Variants in BTAF1 observed in about 807,000 individuals in gnomAD.
BTAF1 encodes the protein TATA-binding protein-associated factor 172.
Under a neutral mutation model 227.1 loss-of-function variants are expected in BTAF1, and 38 were observed. That is an observed-to-expected ratio of 0.17 (90% CI 0.13 to 0.22). The LOEUF is 0.22. Ranked by LOEUF, BTAF1 falls within the 10% of genes least tolerant of loss-of-function variation. The probability of loss-of-function intolerance (pLI) is 1.00; values close to 1 mark genes in which losing one functional copy is unlikely to be tolerated. For missense variants in BTAF1, 1,598 were observed against 2,204.0 expected, an observed-to-expected ratio of 0.73 and a Z score of 5.51; for synonymous variants, 742 against 751.9, an observed-to-expected ratio of 0.99 and a Z score of 0.21.
chr10:92,026,879 C>G (rs1343185932), intron 36 of BTAF1, 128 bp downstream of exon 36: 9 of 1,071,156 alleles, frequency 8.4e-6, no homozygotes, highest in Non-Finnish European at 1.2e-5. Context: ...TTGGACAGAT[C>G]ACTTAACTCT....
chr10:91,935,636 A>C (rs1441393907), intron 1 of BTAF1, 21 bp from the exon 2 acceptor site: 1 of 1,610,558 alleles, frequency 6.2e-7, no homozygotes, highest in South Asian at 1.1e-5. Flanking sequence ...GAGAATAACC[A>C]TTGTATTTTT....
chr10:92,002,285 T>C (rs1849601417), intron 25 of BTAF1, among the ~76,000 whole-genome samples: 1 of 152,152 alleles, frequency 6.6e-6, no homozygotes, highest in Admixed American at 6.5e-5. Flanking sequence ...ATAGAAAAAA[T>C]CATCTACTTT....
chr10:91,935,828 A>G (rs1388926980), intron 2 of BTAF1, 48 bp downstream of exon 2: 8 of 1,437,922 alleles, frequency 5.6e-6, no homozygotes, highest in Non-Finnish European at 7.5e-6. Flanking sequence ...GTAGAGACTT[A>G]TTCATGGATA....
At chr10:92,015,821 A>T (rs1475126527) in intron 32 of BTAF1, among the ~76,000 whole-genome samples, 1 of 152,140 alleles carries the variant, frequency 6.6e-6, no homozygotes, top group Admixed American at 6.6e-5. Context: ...AGCTTGTACA[A>T]GATAGGAACC....
At chr10:91,947,824 A>C (rs1392168652) in intron 4 of BTAF1, among the ~76,000 whole-genome samples, 1 of 148,164 alleles carries the variant, frequency 6.7e-6, no homozygotes, top group Non-Finnish European at 1.5e-5. Flanking sequence ...TTAGTGTTTT[A>C]ACAATATTTA....
chr10:91,927,406 CT>C (rs1843930926), intron 1 of BTAF1, among the ~76,000 whole-genome samples: 1 of 152,068 alleles, frequency 6.6e-6, no homozygotes, highest in African/African-American at 2.4e-5. Context: ...TTGATCTAAG[CT>C]TATATATTAC....
At position 91,997,669 on chromosome 10, in the gene BTAF1, G is replaced by A; in HGVS notation, c.3578G>A (p.Gly1193Glu). ...GTCCTTTTAGTTGTTCCTGTATTAG[G>A]AAGAATGAGTGATCAGACAGACAGT... ...YIVLLVVPVL[G>E]RMSDQTDSVR... Residue 1193 changes from glycine (G) to glutamate (E), a missense_variant, in exon 25 of 38, where the codon GGA (glycine) becomes GAA (glutamate). Physicochemically the swap from Gly to Glu is moderately conservative, Grantham distance 98. Around this residue, in one of 10 missense-constraint regions of BTAF1, gnomAD observed 425 missense variants for 491.2 expected, o/e 0.87. Transcript: ENST00000265990. The A allele has an allele frequency of 6.2e-7, 1 of 1,613,984 alleles. No individual in the cohort carries two copies. Among genetic ancestry groups the A allele is most frequent in the East Asian group, 2.2e-5 (1 of 44,880 alleles).
intron 34 of BTAF1, among the ~76,000 whole-genome samples, chr10:92,021,142 A>G (rs1000700273): frequency 1.3e-5 from 2 of 152,210 alleles, no homozygotes; most frequent in African/African-American, 4.8e-5. Flanking sequence ...TTAGAGGAGA[A>G]GTCTTACTTG....
chr10:92,012,629 G>A (rs900356582), intron 30 of BTAF1, among the ~76,000 whole-genome samples: 2 of 151,410 alleles, frequency 1.3e-5, no homozygotes, highest in Non-Finnish European at 2.9e-5. Flanking sequence ...AAATTAGCCA[G>A]GCATGGTGAC....
At chr10:92,013,204 A>G (rs1850490280) in intron 30 of BTAF1, among the ~76,000 whole-genome samples, 1 of 152,236 alleles carries the variant, frequency 6.6e-6, no homozygotes, top group Admixed American at 6.5e-5. Context: ...CTTCGATGGT[A>G]GAATTGGAAA....
chr10:91,993,891 T>C, intron 22 of BTAF1, 44 bp downstream of exon 22: 1 of 1,451,774 alleles, frequency 6.9e-7, no homozygotes, highest in Non-Finnish European at 9.3e-7. Flanking sequence ...CAAATTTTAA[T>C]GTCTATTAAT....
intron 12 of BTAF1, among the ~76,000 whole-genome samples, chr10:91,963,041 C>G (rs1281921155): frequency 6.6e-6 from 1 of 151,832 alleles, no homozygotes; most frequent in Non-Finnish European, 1.5e-5. Flanking sequence ...CTCCTCTCCT[C>G]CTCTCATTAT....
chr10:91,953,036 C>T (rs964991858), intron 5 of BTAF1, among the ~76,000 whole-genome samples: 9 of 152,144 alleles, frequency 5.9e-5, no homozygotes, highest in African/African-American at 2.2e-4. Context: ...TGAGGTTCAT[C>T]GTTGCCATAG....
At chr10:92,027,050 C>G (rs1176647667) in intron 36 of BTAF1, 80 bp from the exon 37 acceptor site, 5 of 1,405,726 alleles carry the variant, frequency 3.6e-6, no homozygotes, top group Non-Finnish European at 3.9e-6. Flanking sequence ...TAAAATAGTA[C>G]AAGTCTACAA....
intron 4 of BTAF1, among the ~76,000 whole-genome samples, chr10:91,950,808 A>G (rs1465672470): frequency 6.7e-6 from 1 of 149,746 alleles, no homozygotes; most frequent in African/African-American, 2.5e-5. Flanking sequence ...ATAAAATAAA[A>G]TTGATTTGTT....
chr10:91,998,127 CAAAAAAAAAAAAA>C (rs55642022), intron 25 of BTAF1, among the ~76,000 whole-genome samples: 2 of 99,422 alleles, frequency 2.0e-5, no homozygotes, highest in Non-Finnish European at 4.4e-5. Flanking sequence ...GACTCCATCT[CAAAAAAAAAAAAA>C]AAAGAAAAGA....
chr10:91,969,882 T>C (rs1847170625), intron 14 of BTAF1, among the ~76,000 whole-genome samples: 1 of 151,858 alleles, frequency 6.6e-6, no homozygotes, highest in Admixed American at 6.6e-5. Flanking sequence ...AAGAATTGCT[T>C]GAACCTGGGA....
At chr10:92,011,706 C>T (rs1350943893) in intron 30 of BTAF1, among the ~76,000 whole-genome samples, 2 of 152,138 alleles carry the variant, frequency 1.3e-5, no homozygotes, top group East Asian at 1.9e-4. Flanking sequence ...GGCCATTCTC[C>T]TTCCATAGTA....
At chr10:91,941,090 T>C (rs1844962598) in intron 3 of BTAF1, among the ~76,000 whole-genome samples, 1 of 152,214 alleles carries the variant, frequency 6.6e-6, no homozygotes, top group Non-Finnish European at 1.5e-5. Flanking sequence ...TGATACCTGT[T>C]ATTTTGAGTT....
Sources: allele counts gnomAD v4.1 joint callset (sites outside exome capture counted in the v4.1 genomes callset), GRCh38; gene constraint gnomAD v4.1.1; regional missense constraint gnomAD v4.1.1; transcripts MANE v1.5; gene names NCBI Gene and HGNC (gene_info 2026-07-23, HGNC 2026-07-21).